Variants in SLC35F4 observed in about 807,000 individuals in gnomAD.
SLC35F4 encodes chromosome 14 open reading frame 36.
SLC35F4 carries 24 observed loss-of-function variants against 44.2 expected under a neutral mutation model. The ratio of observed to expected loss-of-function variants is 0.54; its 90% CI spans 0.39 to 0.76. The LOEUF (loss-of-function observed/expected upper bound fraction) is 0.76, where lower values mean the gene tolerates loss of function less well. Ranked by LOEUF, SLC35F4 falls within the 30% of genes least tolerant of loss-of-function variation. The probability of loss-of-function intolerance (pLI) is 0.00; values close to 1 mark genes in which losing one functional copy is unlikely to be tolerated. For missense variants in SLC35F4, 562 were observed against 586.1 expected (o/e 0.96, Z 0.42); for synonymous variants, 238 against 223.6 (o/e 1.06, Z -0.57).
In SLC35F4 at chr14:57,942,290, C is replaced by T. The variant is rs566267278; in HGVS notation, n.282+39623G>A. On this transcript the variant is annotated intron_variant and non_coding_transcript_variant, in intron 1 of 1. Coordinates refer to the SLC35F4 transcript ENST00000556568. Reference sequence around the variant, plus strand: ...TCTGTTGTAGACCAGGTGAATAAATCATTCAAACAAAAAAACACAGGTGAA... The same window carrying T: ...TCTGTTGTAGACCAGGTGAATAAATTATTCAAACAAAAAAACACAGGTGAA... 2.0e-5 allele frequency among the ~76,000 whole-genome samples: 3 copies of T among 152,258 alleles called. No homozygotes were observed. The South Asian group carries it at 6.2e-4, about 32-fold the overall frequency.
intron 1 of SLC35F4, among the ~76,000 whole-genome samples, chr14:57,909,086 A>G (rs1336655021): frequency 1.3e-5 from 2 of 152,190 alleles, no homozygotes; most frequent in African/African-American, 4.8e-5. Context: ...GGAAGATCAG[A>G]TGATGGTAGA....
intron 1 of SLC35F4, among the ~76,000 whole-genome samples, chr14:57,725,262 T>C (rs1407965189): frequency 6.6e-6 from 1 of 152,168 alleles, no homozygotes; most frequent in African/African-American, 2.4e-5. Context: ...AACATGGACT[T>C]CCACTCACCA....
intron 6 of SLC35F4, among the ~76,000 whole-genome samples, chr14:57,569,155 C>T (rs889316507): frequency 6.6e-6 from 1 of 152,170 alleles, no homozygotes; most frequent in Non-Finnish European, 1.5e-5. Context: ...CTAGTGCATG[C>T]TGCTGTCTCT....
intron 1 of SLC35F4, among the ~76,000 whole-genome samples, chr14:57,695,413 T>C (rs2075354050): frequency 6.6e-6 from 1 of 151,190 alleles, no homozygotes; most frequent in South Asian, 2.1e-4. Flanking sequence ...AAAAAACACA[T>C]GAAAAAACGC....
At chr14:57,639,939 C>T (rs957336191) in intron 1 of SLC35F4, among the ~76,000 whole-genome samples, 2 of 152,066 alleles carry the variant, frequency 1.3e-5, no homozygotes, top group South Asian at 2.1e-4. Flanking sequence ...CATGTGTGGT[C>T]ATTATCTCAA....
At chr14:57,957,000 T>C (rs1428868075) in intron 1 of SLC35F4, among the ~76,000 whole-genome samples, 2 of 152,222 alleles carry the variant, frequency 1.3e-5, no homozygotes, top group African/African-American at 2.4e-5. Context: ...TGTATGATTA[T>C]TGCAGCACTG....
intron 1 of SLC35F4, among the ~76,000 whole-genome samples, chr14:57,779,215 A>C (rs904094533): frequency 6.6e-6 from 1 of 152,106 alleles, no homozygotes; most frequent in African/African-American, 2.4e-5. Flanking sequence ...TTTTGAAAAA[A>C]TTCATAAACT....
chr14:57,812,071 T>TA (rs779558261), intron 1 of SLC35F4, among the ~76,000 whole-genome samples: 1 of 152,230 alleles, frequency 6.6e-6, no homozygotes, highest in Non-Finnish European at 1.5e-5. Context: ...AATGTCTTGC[T>TA]ATTGCAGTTG....
At chr14:57,588,199 AAAGTT>A (rs2069908460) in intron 3 of SLC35F4, among the ~76,000 whole-genome samples, 2 of 152,238 alleles carry the variant, frequency 1.3e-5, no homozygotes, top group African/African-American at 2.4e-5. Flanking sequence ...TAGACCCTTC[AAAGTT>A]AAGTTTATAA....
intron 1 of SLC35F4, among the ~76,000 whole-genome samples, chr14:57,742,783 C>A (rs968808712): frequency 1.3e-5 from 2 of 152,198 alleles, no homozygotes; most frequent in East Asian, 3.8e-4. Context: ...CTTCTCAGCA[C>A]CACATCACAC....
In SLC35F4 at chr14:57,587,870, CAAAAAAAAA is replaced by C. The variant is rs60521934; in HGVS notation, c.587+1337_587+1345del. Among the ~76,000 whole-genome samples, 263 of 125,010 alleles carry C rather than the reference CAAAAAAAAA, an allele frequency of 2.1e-3. 1 individual carries two copies. The highest frequency in any genetic ancestry group is 7.0e-3 in the African/African-American group (231 of 32,804). 82.0% of individuals were successfully genotyped at this position (125,010 alleles called of 152,430 possible). On this transcript the variant is annotated intron_variant, in intron 3 of 7. Coordinates refer to ENST00000556826, the MANE Select transcript of SLC35F4 (RefSeq NM_001306087.2). ...AAGAATAATTAGTACATGCACCTTCCAAAAAAAAAAAAAAAAAAGAAAATGGTAGTTGAG... is the reference window on the plus strand; with the variant it reads ...AAGAATAATTAGTACATGCACCTTCCAAAAAAAAAGAAAATGGTAGTTGAG...
intron 2 of SLC35F4, 99 bp downstream of exon 2, chr14:57,593,840 G>A (rs2070335539): frequency 7.6e-7 from 1 of 1,322,142 alleles, no homozygotes; most frequent in Admixed American, 2.1e-5. Flanking sequence ...ACTCATAAGA[G>A]TCCGTGTAAC....
At chr14:57,807,829 C>T (rs1016460869) in intron 1 of SLC35F4, among the ~76,000 whole-genome samples, 8 of 151,752 alleles carry the variant, frequency 5.3e-5, no homozygotes, top group Non-Finnish European at 1.2e-4. Context: ...ATACCTGAGA[C>T]TGGGTAATTT....
At chr14:57,645,107 CT>C (rs1236724002) in intron 1 of SLC35F4, among the ~76,000 whole-genome samples, 3 of 152,146 alleles carry the variant, frequency 2.0e-5, no homozygotes, top group Admixed American at 6.5e-5. Context: ...GATGCAGACT[CT>C]TTTTTGGTTC....
In SLC35F4 at chr14:57,826,269, A is replaced by G. The variant is rs1464205476; in HGVS notation, c.103+39454T>C. Among the ~76,000 whole-genome samples the G allele has an allele frequency of 2.0e-5, 3 of 152,142 alleles. No individual in the cohort carries two copies. The South Asian group carries it at 6.2e-4, about 32-fold the overall frequency. ...CAAAAGCAAGCAATGGGGAAAGGAC[A>G]TCCTATGTAATAAATGATGCTGGAA... On this transcript the variant is annotated intron_variant, in intron 1 of 7. Transcript: ENST00000556826.
At chr14:57,970,833 T>G (rs1285904358) in intron 1 of SLC35F4, among the ~76,000 whole-genome samples, 2 of 152,308 alleles carry the variant, frequency 1.3e-5, no homozygotes, top group Middle Eastern at 3.4e-3. Context: ...TGAATGGCAC[T>G]GCCAAGGTCA....
intron 1 of SLC35F4, among the ~76,000 whole-genome samples, chr14:57,775,251 A>G (rs1386428877): frequency 6.6e-6 from 1 of 151,942 alleles, no homozygotes; most frequent in African/African-American, 2.4e-5. Flanking sequence ...GGAGGCCAGA[A>G]CCCCAGCACC....
intron 1 of SLC35F4, among the ~76,000 whole-genome samples, chr14:57,841,638 A>G (rs1300399024): frequency 1.3e-5 from 2 of 152,196 alleles, no homozygotes; most frequent in African/African-American, 2.4e-5. Flanking sequence ...AGTGCCCTAA[A>G]GGTAGAGAAC....
In SLC35F4 at chr14:57,564,353, C is replaced by A. The variant is rs558357715; in HGVS notation, c.1240G>T (p.Val414Leu). The change falls in exon 8 of 8, where the codon GTG becomes TTG. Residue 414 changes from valine to leucine, a missense_variant. By Grantham distance (32) the Val-to-Leu change is conservative. Transcript: ENST00000556826. Reference sequence around the variant, plus strand: ...GCCAGGCGGACAACATTGAATATCACCTCCTGCTTTAGGAGATCCACAGCT... The same window carrying A: ...GCCAGGCGGACAACATTGAATATCAACTCCTGCTTTAGGAGATCCACAGCT... Reference protein sequence around the residue: ...NAAVDLLKQEVIFNVVRLAAT... With the variant: ...NAAVDLLKQELIFNVVRLAAT... 1.7e-5 allele frequency: 28 copies of A among 1,608,432 alleles called. No homozygotes were observed. In the African/African-American group the frequency reaches 2.8e-4, roughly 16 times the overall value.
Sources: allele counts gnomAD v4.1 joint callset (sites outside exome capture counted in the v4.1 genomes callset), GRCh38; gene constraint gnomAD v4.1.1; transcripts MANE v1.5; gene names NCBI Gene and HGNC (gene_info 2026-07-23, HGNC 2026-07-21).